The following ARHGAP20 variants were observed in gnomAD, a reference collection of about 807,000 sequenced individuals.
ARHGAP20 encodes Rho GTPase activating protein 20.
In ARHGAP20, 34 loss-of-function variants were observed where a neutral mutation model predicts 73.7. The ratio of observed to expected loss-of-function variants is 0.46; its 90% CI spans 0.35 to 0.61. The LOEUF is 0.61. Ranked by LOEUF, ARHGAP20 falls within the 20% of genes least tolerant of loss-of-function variation. The pLI is 0.00. For missense variants in ARHGAP20, 1,314 were observed against 1,420.9 expected (o/e 0.92, Z 1.21); for synonymous variants, 523 against 518.2 (o/e 1.01, Z -0.13).
intron 1 of ARHGAP20, among the ~76,000 whole-genome samples, chr11:110,697,824 A>G (rs1296651121): frequency 6.6e-6 from 1 of 151,890 alleles, no homozygotes; most frequent in Non-Finnish European, 1.5e-5. Flanking sequence ...TAGTTGCCAC[A>G]GCCTTGTAGT....
intron 1 of ARHGAP20, among the ~76,000 whole-genome samples, chr11:110,704,931 TA>T (rs1415749067): frequency 6.6e-6 from 1 of 152,160 alleles, no homozygotes; most frequent in Non-Finnish European, 1.5e-5. Flanking sequence ...ATCATAAAAA[TA>T]TATATTTCCT....
chr11:110,687,812 T>C (rs1316319202), intron 2 of ARHGAP20, among the ~76,000 whole-genome samples: 1 of 152,174 alleles, frequency 6.6e-6, no homozygotes. Context: ...ATGATTATAC[T>C]AAAGACAATT....
chr11:110,709,118 C>T (rs1486594275), intron 1 of ARHGAP20, among the ~76,000 whole-genome samples: 1 of 152,192 alleles, frequency 6.6e-6, no homozygotes, highest in Non-Finnish European at 1.5e-5. Flanking sequence ...TATTACAACA[C>T]AGCTATGCCC....
chr11:110,681,314 C>A (rs1328077238), intron 2 of ARHGAP20, among the ~76,000 whole-genome samples: 1 of 152,016 alleles, frequency 6.6e-6, no homozygotes, highest in African/African-American at 2.4e-5. Context: ...GAAACCATAC[C>A]TAGGTATAGA....
chr11:110,579,992 C>G lies in ARHGAP20; in HGVS notation c.2954G>C (p.Arg985Pro), dbSNP rs1384580730. Reference protein sequence around the residue: ...IDCTFQAQRKREDLSPDFSNA... With the variant: ...IDCTFQAQRKPEDLSPDFSNA... ...GCTAAAGTCAGGAGAAAGGTCTTCC[C>G]GTTTTCTCTGAGCCTGAAAAGTGCA... Residue 985 changes from arginine (R) to proline (P), a missense_variant, in exon 15 of 15, where the codon CGG (arginine) becomes CCG (proline). Transcript: ENST00000683387. The G allele has an allele frequency of 6.2e-7, 1 of 1,613,998 alleles. No homozygotes were observed. The highest frequency in any genetic ancestry group is 1.7e-5 in the Admixed American group (1 of 60,000).
intron 6 of ARHGAP20, among the ~76,000 whole-genome samples, chr11:110,613,329 G>A (rs1191168406): frequency 1.3e-5 from 2 of 152,170 alleles, no homozygotes; most frequent in Non-Finnish European, 2.9e-5. Flanking sequence ...TCCCACACAT[G>A]CACTCCTATT....
intron 13 of ARHGAP20, among the ~76,000 whole-genome samples, chr11:110,582,901 G>T (rs1478280239): frequency 6.6e-6 from 1 of 152,140 alleles, no homozygotes; most frequent in African/African-American, 2.4e-5. Context: ...TGGCTGACAG[G>T]TCTATCCATG....
intron 2 of ARHGAP20, among the ~76,000 whole-genome samples, chr11:110,639,116 A>G (rs901823708): frequency 6.6e-6 from 1 of 152,076 alleles, no homozygotes; most frequent in Non-Finnish European, 1.5e-5. Flanking sequence ...ACACTGTGCT[A>G]TATTAACATA....
intron 2 of ARHGAP20, among the ~76,000 whole-genome samples, chr11:110,678,449 G>T (rs1382777414): frequency 1.3e-5 from 2 of 152,068 alleles, no homozygotes; most frequent in African/African-American, 4.8e-5. Flanking sequence ...ACATGATCTG[G>T]GGAATTGGCC....
intron 2 of ARHGAP20, among the ~76,000 whole-genome samples, chr11:110,655,241 A>T (rs1949439797): frequency 6.6e-6 from 1 of 151,918 alleles, no homozygotes. Flanking sequence ...ATCTAATGAG[A>T]CACATGAAAT....
chr11:110,703,727 C>T (rs1249810608), intron 1 of ARHGAP20, among the ~76,000 whole-genome samples: 2 of 152,082 alleles, frequency 1.3e-5, no homozygotes, highest in Non-Finnish European at 2.9e-5. Flanking sequence ...TGGGTCTTCA[C>T]GTTGGCTAGA....
At chr11:110,630,918 C>A in intron 2 of ARHGAP20, 126 bp from the exon 3 acceptor site, 1 of 856,240 alleles carries the variant, frequency 1.2e-6, no homozygotes. Context: ...GTCTATTCAC[C>A]ACACAGTAGT....
At chr11:110,662,643 T>G (rs1328751280) in intron 2 of ARHGAP20, among the ~76,000 whole-genome samples, 1 of 151,944 alleles carries the variant, frequency 6.6e-6, no homozygotes, top group Non-Finnish European at 1.5e-5. Flanking sequence ...AGTGGTATTT[T>G]CAGCATAAAA....
intron 2 of ARHGAP20, among the ~76,000 whole-genome samples, chr11:110,674,576 G>C (rs1471847202): frequency 3.3e-5 from 5 of 151,956 alleles, no homozygotes; most frequent in African/African-American, 1.2e-4. Flanking sequence ...ACATTTATAA[G>C]GCATATATAA....
intron 9 of ARHGAP20, among the ~76,000 whole-genome samples, chr11:110,601,904 C>T (rs951617909): frequency 2.0e-5 from 3 of 151,598 alleles, no homozygotes; most frequent in Admixed American, 6.6e-5. Flanking sequence ...ATAGGAGAAT[C>T]GCTTGAACCT....
At chr11:110,689,181 T>A (rs887070798) in intron 2 of ARHGAP20, among the ~76,000 whole-genome samples, 2 of 151,878 alleles carry the variant, frequency 1.3e-5, no homozygotes, top group Non-Finnish European at 2.9e-5. Flanking sequence ...TGGATTTTTT[T>A]AAGTAGAGAT....
chr11:110,623,843 C>T lies in ARHGAP20; in HGVS notation c.503+319G>A, dbSNP rs530949950. ...TCCCCTTCCATATTCCTGGAAGTTC[C>T]TGTTGTTGCTGTTGTTGTTGTTGTT... is the stretch of plus-strand genomic sequence containing the variant. On this transcript the variant is annotated intron_variant, in intron 4 of 14. Coordinates refer to ENST00000683387, the MANE Select transcript of ARHGAP20 (RefSeq NM_001384657.1). Among the ~76,000 whole-genome samples, 27 of 149,632 alleles carry T rather than the reference C, an allele frequency of 1.8e-4. No homozygotes were observed. The South Asian group carries it at 5.3e-3, about 29-fold the overall frequency.
intron 2 of ARHGAP20, among the ~76,000 whole-genome samples, chr11:110,646,804 A>C (rs1591134068): frequency 6.6e-6 from 1 of 152,130 alleles, no homozygotes. Context: ...TATGGCAGCC[A>C]GTGAAGTAGC....
intron 5 of ARHGAP20, among the ~76,000 whole-genome samples, chr11:110,615,181 T>C (rs1948456921): frequency 6.6e-6 from 1 of 152,128 alleles, no homozygotes. Flanking sequence ...CTACCATTAT[T>C]TTTGAGGTGC....
Sources: gnomAD v4.1 joint callset for allele counts (sites outside exome capture counted in the v4.1 genomes callset) on GRCh38, gnomAD v4.1.1 for gene constraint, MANE v1.5 for transcripts, NCBI Gene and HGNC (gene_info 2026-07-23, HGNC 2026-07-21) for gene names.